Variants in SLC24A2 observed in about 807,000 individuals in gnomAD.
The protein encoded by SLC24A2 is sodium/potassium/calcium exchanger 2.
SLC24A2 carries 36 observed loss-of-function variants against 62.0 expected under a neutral mutation model. The observed-to-expected ratio is 0.58, with a 90% CI of 0.44 to 0.77. SLC24A2 has a LOEUF of 0.77. SLC24A2 is among the 30% of genes least tolerant of loss of function. SLC24A2 has a pLI of 0.00. For synonymous variants in SLC24A2, 358 were observed against 294.0 expected (o/e 1.22, Z -2.23); for missense variants, 846 against 817.9 (o/e 1.03, Z -0.42).
chr9:20,004,225 G>C, the SLC24A2 span, among the ~76,000 whole-genome samples: 3 of 152,302 alleles, frequency 2.0e-5, no homozygotes, highest in East Asian at 1.9e-4. Context: ...CATAACCTTT[G>C]CTTCCCAAAT....
At chr9:19,683,197 G>A (rs890279102) in intron 2 of SLC24A2, among the ~76,000 whole-genome samples, 5 of 152,084 alleles carry the variant, frequency 3.3e-5, no homozygotes, top group Non-Finnish European at 5.9e-5. Context: ...TAAGTGCGGC[G>A]AGGTAAAACT....
chr9:19,632,575 T>A lies in SLC24A2; in HGVS notation c.931-10276A>T, dbSNP rs542736328. On this transcript the variant is annotated intron_variant, in intron 2 of 10. Transcript: ENST00000341998. The surrounding 1 kb of genome is among the most constrained non-coding windows in gnomAD (Gnocchi z 4.5). ...CGAGCACTAACTACAGTTGAAATAC[T>A]GGGCTAAATGCTCATTCATAATCTT... Among the ~76,000 whole-genome samples, 1 of 152,232 alleles carries A rather than the reference T, an allele frequency of 6.6e-6. No homozygotes were observed. Among genetic ancestry groups the A allele is most frequent in the Non-Finnish European group, 1.5e-5 (1 of 68,032 alleles).
the SLC24A2 span, among the ~76,000 whole-genome samples, chr9:19,815,046 G>A: frequency 1.3e-5 from 2 of 152,134 alleles, no homozygotes; most frequent in Non-Finnish European, 2.9e-5. Flanking sequence ...TATGAAAAAT[G>A]TTTGCTCTTT....
At chr9:20,075,332 A>G in the SLC24A2 span, among the ~76,000 whole-genome samples, 1 of 152,222 alleles carries the variant, frequency 6.6e-6, no homozygotes, top group Non-Finnish European at 1.5e-5. Flanking sequence ...ACAGATGAGA[A>G]AATGGAGGCT....
the SLC24A2 span, among the ~76,000 whole-genome samples, chr9:19,850,984 T>TACAC: frequency 3.3e-5 from 1 of 30,538 alleles, no homozygotes; most frequent in African/African-American, 1.2e-4. Flanking sequence ...TATATATATA[T>TACAC]GTATATATAT....
chr9:20,291,035 G>C, the SLC24A2 span, among the ~76,000 whole-genome samples: 1 of 152,196 alleles, frequency 6.6e-6, no homozygotes, highest in Admixed American at 6.5e-5. Flanking sequence ...TCACCCTCTT[G>C]ACCAGGGGTC....
chr9:20,100,101 C>A, the SLC24A2 span, among the ~76,000 whole-genome samples: 1 of 152,168 alleles, frequency 6.6e-6, no homozygotes, highest in Admixed American at 6.6e-5. Flanking sequence ...CCTCGTCCTC[C>A]TGGGCTCAGG....
intron 2 of SLC24A2, among the ~76,000 whole-genome samples, chr9:19,746,661 TTTCTGTCCTCACTTG>T (rs1821841247): frequency 1.3e-5 from 2 of 152,160 alleles, no homozygotes; most frequent in South Asian, 4.1e-4. Context: ...AAATCCAGTA[TTTCTGTCCTCACTTG>T]TTTATCTCCC....
At chr9:19,716,642 C>T (rs1029516999) in intron 2 of SLC24A2, among the ~76,000 whole-genome samples, 6 of 152,122 alleles carry the variant, frequency 3.9e-5, no homozygotes, top group Admixed American at 3.9e-4. Context: ...ACTGCTGAGA[C>T]CTAGAATAGC....
the SLC24A2 span, among the ~76,000 whole-genome samples, chr9:20,294,966 TATAAATAAATAA>T: frequency 6.6e-6 from 1 of 151,708 alleles, no homozygotes; most frequent in East Asian, 1.9e-4. Flanking sequence ...TTAGATCAGG[TATAAATAAATAA>T]ATAAATAATA....
In SLC24A2 at chr9:19,538,235, A is replaced by G. The variant is rs1323227179; in HGVS notation, c.1480-10097T>C. 7.8e-5 allele frequency among the ~76,000 whole-genome samples: 10 copies of G among 128,300 alleles called. No homozygotes were observed. In the Admixed American group the frequency reaches 8.1e-4, roughly 10 times the overall value. The allele number at this position is 128,300 out of a possible 152,430, so 84.2% of individuals were successfully genotyped here. A position where few individuals can be genotyped will look rare whatever the true frequency, so the allele number is the denominator to read the frequency against. On this transcript the variant is annotated intron_variant, in intron 8 of 10. Transcript: ENST00000341998. ...GATTGCCCTGGCCAGAACTTCCAACACTATGTTGAATAGGAGTGGTGAGAG... is the reference window on the plus strand; with the variant it reads ...GATTGCCCTGGCCAGAACTTCCAACGCTATGTTGAATAGGAGTGGTGAGAG...
At chr9:19,708,643 C>G (rs1426296664) in intron 2 of SLC24A2, among the ~76,000 whole-genome samples, 3 of 152,156 alleles carry the variant, frequency 2.0e-5, no homozygotes, top group Non-Finnish European at 4.4e-5. Context: ...CTGACAAAAA[C>G]AAGCAATGGG....
chr9:19,543,212 G>T (rs1467551864), intron 8 of SLC24A2, among the ~76,000 whole-genome samples: 1 of 152,172 alleles, frequency 6.6e-6, no homozygotes, highest in Non-Finnish European at 1.5e-5. Context: ...TGGTTTATTT[G>T]CATAGAGGTG....
chr9:20,080,785 AAAAC>A, the SLC24A2 span, among the ~76,000 whole-genome samples: 32 of 151,968 alleles, frequency 2.1e-4, no homozygotes, highest in Non-Finnish European at 2.4e-4. Flanking sequence ...TTACAAGAAA[AAAAC>A]AAACAACCCC....
the SLC24A2 span, among the ~76,000 whole-genome samples, chr9:19,901,222 T>C: frequency 0.81 from 123,853 of 152,138 alleles, 51,206 homozygotes; most frequent in Non-Finnish European, 0.88. Context: ...GATGTGATAA[T>C]AGAGATGTTT....
At chr9:19,857,399 G>A in the SLC24A2 span, among the ~76,000 whole-genome samples, 3 of 152,120 alleles carry the variant, frequency 2.0e-5, no homozygotes, top group Non-Finnish European at 4.4e-5. Flanking sequence ...ATCATGTTAA[G>A]TAACAAATCT....
At chr9:19,795,890 A>G in the SLC24A2 span, among the ~76,000 whole-genome samples, 2 of 152,096 alleles carry the variant, frequency 1.3e-5, no homozygotes, top group Non-Finnish European at 2.9e-5. Flanking sequence ...ACAATGATAG[A>G]CTGGATTAAG....
chr9:19,953,553 A>G, the SLC24A2 span, among the ~76,000 whole-genome samples: 1 of 151,972 alleles, frequency 6.6e-6, no homozygotes, highest in Non-Finnish European at 1.5e-5. Flanking sequence ...TTCATGGAAA[A>G]CCTAGTGTCT....
the SLC24A2 span, among the ~76,000 whole-genome samples, chr9:20,073,919 G>GATATATATATATATATAT: frequency 6.9e-4 from 97 of 140,764 alleles, no homozygotes; most frequent in African/African-American, 2.4e-3. Flanking sequence ...CTTGTGGGGA[G>GATATATATATATATATAT]ATATATATAT....
Sources: allele counts gnomAD v4.1 joint callset (sites outside exome capture counted in the v4.1 genomes callset), GRCh38; gene constraint gnomAD v4.1.1; non-coding constraint Gnocchi (gnomAD v3.1); transcripts MANE v1.5; gene names NCBI Gene and HGNC (gene_info 2026-07-23, HGNC 2026-07-21).